Variants in INSL6 observed in about 807,000 individuals in gnomAD.
INSL6 encodes the protein insulin like 6, also known as insulin-like peptide INSL6.
Under a neutral mutation model 9.4 loss-of-function variants are expected in INSL6, and 16 were observed. That is an observed-to-expected ratio of 1.70 (90% confidence interval 1.15 to 2.59). The LOEUF is 2.59. Among genes scored for constraint, INSL6 ranks in the 30% most tolerant of loss-of-function variants. INSL6 has a pLI of 0.00. For missense variants in INSL6, 391 were observed against 257.3 expected, an observed-to-expected ratio of 1.52 and a Z score of -3.56; for synonymous variants, 154 against 96.9, an observed-to-expected ratio of 1.59 and a Z score of -3.46.
the INSL6 span, among the ~76,000 whole-genome samples, chr9:5,016,165 T>C: frequency 3.9e-5 from 6 of 152,152 alleles, no homozygotes; most frequent in African/African-American, 4.8e-5. Flanking sequence ...TGCTATAGTG[T>C]TGGATAAGTT....
the INSL6 span, among the ~76,000 whole-genome samples, chr9:5,025,538 C>T: frequency 2.9e-5 from 4 of 140,348 alleles, no homozygotes; most frequent in Admixed American, 1.4e-4. Context: ...AGTTTGTTTC[C>T]TTTTTTTTTT....
chr9:5,021,945 T>G, the INSL6 span: 1 of 1,470,876 alleles, frequency 6.8e-7, no homozygotes, highest in East Asian at 2.3e-5. Context: ...TTTGTAACTT[T>G]ATTGTTTTCT....
chr9:5,120,923 T>C (rs193045488), downstream of INSL6, among the ~76,000 whole-genome samples: 1 of 152,320 alleles, frequency 6.6e-6, no homozygotes, highest in Admixed American at 6.5e-5. Flanking sequence ...TGTTTGCCTA[T>C]AGATCTTTAA....
At chr9:5,126,273 G>A (rs1823989238) in intron 3 of INSL6, 1 of 1,236,654 alleles carries the variant, frequency 8.1e-7, no homozygotes, top group Non-Finnish European at 1.2e-6. Flanking sequence ...GGAGGAAATT[G>A]AGAAAGAATT....
At chr9:5,115,512 C>G in the INSL6 span, among the ~76,000 whole-genome samples, 1 of 152,144 alleles carries the variant, frequency 6.6e-6, no homozygotes, top group East Asian at 1.9e-4. Context: ...GCAATTCCTC[C>G]AGGATCCAGA....
the INSL6 span, chr9:5,099,638 T>G: frequency 5.3e-5 from 8 of 152,214 alleles, no homozygotes; most frequent in South Asian, 2.1e-4. Context: ...TCATTCTGTT[T>G]CCCACTGTTT....
At chr9:5,175,310 C>G (rs1022370579) in intron 1 of INSL6, among the ~76,000 whole-genome samples, 2 of 152,146 alleles carry the variant, frequency 1.3e-5, no homozygotes, top group Admixed American at 1.3e-4. Context: ...TAGAATTTAA[C>G]AGTTTTCACT....
intron 2 of INSL6, among the ~76,000 whole-genome samples, chr9:5,156,847 T>C (rs1440940526): frequency 6.6e-6 from 1 of 151,948 alleles, no homozygotes. Context: ...TACAAACACA[T>C]ACTAGCAACA....
the INSL6 span, among the ~76,000 whole-genome samples, chr9:5,084,702 G>A: frequency 1.3e-5 from 2 of 151,888 alleles, no homozygotes; most frequent in Non-Finnish European, 2.9e-5. Context: ...TTTTAACATG[G>A]ATTATTTGTG....
At chr9:5,172,946 G>A (rs1329197611) in intron 1 of INSL6, among the ~76,000 whole-genome samples, 4 of 151,534 alleles carry the variant, frequency 2.6e-5, no homozygotes, top group Non-Finnish European at 4.4e-5. Context: ...AAAAAAAAGA[G>A]TGGGCAAAGG....
At chr9:5,056,493 A>G in the INSL6 span, among the ~76,000 whole-genome samples, 1 of 152,052 alleles carries the variant, frequency 6.6e-6, no homozygotes, top group Non-Finnish European at 1.5e-5. Context: ...TTCCAGGGTT[A>G]TATTACCAAA....
chr9:5,098,839 G>T, the INSL6 span: 2 of 151,252 alleles, frequency 1.3e-5, no homozygotes, highest in African/African-American at 4.9e-5. Flanking sequence ...GACTACAGGC[G>T]ACCGCCACCA....
At chr9:5,084,956 A>G in the INSL6 span, 1 of 670,738 alleles carries the variant, frequency 1.5e-6, no homozygotes, top group Non-Finnish European at 2.7e-6. Flanking sequence ...ATTCTTAGGC[A>G]CAGTCTGAGA....
At chr9:4,997,658 G>A in the INSL6 span, among the ~76,000 whole-genome samples, 1 of 152,174 alleles carries the variant, frequency 6.6e-6, no homozygotes, top group East Asian at 1.9e-4. Context: ...CAACCTTGCT[G>A]TACCCCTCAG....
At chr9:5,114,985 A>G in the INSL6 span, among the ~76,000 whole-genome samples, 2 of 152,336 alleles carry the variant, frequency 1.3e-5, no homozygotes, top group Middle Eastern at 3.4e-3. Flanking sequence ...AACCTAGGCA[A>G]TACCATTCAG....
chr9:5,085,103 C>T, the INSL6 span: 1 of 656,748 alleles, frequency 1.5e-6, no homozygotes, highest in Admixed American at 1.8e-5. Flanking sequence ...TACTGCTGGG[C>T]AAGGTAGGTT....
chr9:5,158,302 C>T (rs1824859430), intron 2 of INSL6, among the ~76,000 whole-genome samples: 1 of 152,034 alleles, frequency 6.6e-6, no homozygotes, highest in African/African-American at 2.4e-5. Context: ...AGAGAACTTC[C>T]CAAACCTATA....
At chr9:5,023,718 G>A in the INSL6 span, among the ~76,000 whole-genome samples, 1 of 152,078 alleles carries the variant, frequency 6.6e-6, no homozygotes, top group African/African-American at 2.4e-5. Context: ...TGTTCCTCTT[G>A]GATAATCTAC....
downstream of INSL6, chr9:5,163,781 G>A: frequency 1.6e-6 from 1 of 643,466 alleles, no homozygotes; most frequent in Non-Finnish European, 2.7e-6. Context: ...ACCACTATAA[G>A]GTATGGTCAA....
Sources: allele counts gnomAD v4.1 joint callset (sites outside exome capture counted in the v4.1 genomes callset), GRCh38; gene constraint gnomAD v4.1.1; transcripts MANE v1.5; gene names NCBI Gene and HGNC (gene_info 2026-07-23, HGNC 2026-07-21).